DOCK4: variants seen among roughly 807,000 people sequenced by gnomAD.
DOCK4 encodes dedicator of cytokinesis 4.
A neutral mutation model predicts 268.1 loss-of-function variants in DOCK4; 97 were observed. The observed-to-expected ratio is 0.36, with a 90% CI of 0.31 to 0.43. The LOEUF (loss-of-function observed/expected upper bound fraction) is 0.43. Ranked by LOEUF, DOCK4 falls within the 20% of genes least tolerant of loss-of-function variation. The pLI, the probability that DOCK4 is intolerant of heterozygous loss-of-function variation, is 1.00. For missense variants in DOCK4, 2,145 were observed against 2,455.7 expected, an observed-to-expected ratio of 0.87 and a Z score of 2.67; for synonymous variants, 954 against 887.2, an observed-to-expected ratio of 1.08 and a Z score of -1.34.
At chr7:112,143,065 G>A (rs1011682426) in intron 1 of DOCK4, among the ~76,000 whole-genome samples, 1 of 151,930 alleles carries the variant, frequency 6.6e-6, no homozygotes, top group African/African-American at 2.4e-5. Flanking sequence ...GCTTACACTG[G>A]GGGAAGTGGG....
intron 31 of DOCK4, 178 bp from the exon 32 acceptor site, chr7:111,788,925 A>G (rs1799351351): frequency 1.7e-5 from 11 of 634,450 alleles, no homozygotes; most frequent in Non-Finnish European, 2.8e-5. Flanking sequence ...TAATCTAGAT[A>G]GAGTTACATG....
At chr7:112,090,764 G>C (rs567704810) in intron 1 of DOCK4, among the ~76,000 whole-genome samples, 1 of 152,298 alleles carries the variant, frequency 6.6e-6, no homozygotes, top group Admixed American at 6.5e-5. Context: ...AACATGCACT[G>C]AATGGATGGG....
At chr7:112,157,934 G>C (rs1397023940) in intron 1 of DOCK4, among the ~76,000 whole-genome samples, 2 of 152,072 alleles carry the variant, frequency 1.3e-5, no homozygotes, top group Non-Finnish European at 2.9e-5. Context: ...ATAGTGGAGA[G>C]GATGAATCTA....
intron 6 of DOCK4, among the ~76,000 whole-genome samples, chr7:111,984,674 G>A (rs745964782): frequency 6.6e-6 from 1 of 152,220 alleles, no homozygotes; most frequent in Non-Finnish European, 1.5e-5. Flanking sequence ...ACCACATGGT[G>A]TGGAGCCTTC....
intron 1 of DOCK4, among the ~76,000 whole-genome samples, chr7:112,061,790 A>G (rs1806431748): frequency 6.9e-6 from 1 of 144,008 alleles, no homozygotes; most frequent in African/African-American, 2.7e-5. Flanking sequence ...CACACGATGT[A>G]CATGGTTTTA....
Position 112,142,538 on chromosome 7 carries a change from G to A in DOCK4, c.37+63564C>T, listed in dbSNP as rs188772705. Among the ~76,000 whole-genome samples, 17 of 152,098 alleles carry A rather than the reference G, an allele frequency of 1.1e-4. 1 individual carries two copies. Among genetic ancestry groups the A allele is most frequent in the African/African-American group, 3.9e-4 (16 of 41,484 alleles). Reference sequence around the variant, plus strand: ...GCATTTCTAATGAATGGCCTTGCTGGGCTTTTGTATTAGTATTATTTACTA... The same window carrying A: ...GCATTTCTAATGAATGGCCTTGCTGAGCTTTTGTATTAGTATTATTTACTA... On this transcript the variant is annotated intron_variant, in intron 1 of 52. Coordinates refer to ENST00000428084, the MANE Select transcript of DOCK4 (RefSeq NM_001363540.2).
intron 8 of DOCK4, among the ~76,000 whole-genome samples, chr7:111,964,136 T>C (rs1218415848): frequency 6.8e-6 from 1 of 147,660 alleles, no homozygotes; most frequent in Non-Finnish European, 1.5e-5. Context: ...CTGGAAACTC[T>C]AAAACGCAGA....
chr7:112,048,134 G>A (rs879415674), intron 1 of DOCK4, among the ~76,000 whole-genome samples: 3 of 151,976 alleles, frequency 2.0e-5, no homozygotes, highest in East Asian at 1.9e-4. Flanking sequence ...TTCCAAATTC[G>A]ATAAGAACAT....
At chr7:111,810,413 C>A (rs1801024370) in intron 28 of DOCK4, among the ~76,000 whole-genome samples, 1 of 151,624 alleles carries the variant, frequency 6.6e-6, no homozygotes, top group African/African-American at 2.4e-5. Context: ...GATTGCGCCA[C>A]TGCACTCCAG....
chr7:111,990,506 T>G (rs1191287733), intron 5 of DOCK4, among the ~76,000 whole-genome samples: 1 of 152,228 alleles, frequency 6.6e-6, no homozygotes, highest in Admixed American at 6.5e-5. Context: ...CACGTATTTT[T>G]TATTTTAAAA....
chr7:112,203,639 C>G (rs1587055952), intron 1 of DOCK4, among the ~76,000 whole-genome samples: 1 of 152,254 alleles, frequency 6.6e-6, no homozygotes, highest in Middle Eastern at 3.4e-3. Flanking sequence ...TACCACTACA[C>G]TTGGTAACAA....
chr7:112,141,791 G>A (rs1814959778), intron 1 of DOCK4, among the ~76,000 whole-genome samples: 1 of 152,174 alleles, frequency 6.6e-6, no homozygotes, highest in Non-Finnish European at 1.5e-5. Context: ...TGAACAGCCT[G>A]CCTCAGGGTC....
chr7:111,786,836 T>C (rs1029196634), intron 32 of DOCK4, among the ~76,000 whole-genome samples: 4 of 152,228 alleles, frequency 2.6e-5, no homozygotes, highest in African/African-American at 9.6e-5. Context: ...TAAAGTAATA[T>C]TTACGCCTTC....
intron 1 of DOCK4, among the ~76,000 whole-genome samples, chr7:112,182,697 G>A (rs564230323): frequency 2.8e-4 from 43 of 152,318 alleles, no homozygotes; most frequent in Non-Finnish European, 5.6e-4. Flanking sequence ...TTCACTCACT[G>A]GACAGACAGA....
intron 12 of DOCK4, among the ~76,000 whole-genome samples, chr7:111,925,032 A>G (rs1793484090): frequency 6.6e-6 from 1 of 152,196 alleles, no homozygotes. Flanking sequence ...TATAGATGAT[A>G]TTAGTAGATT....
In DOCK4 at chr7:111,996,364, AAT is replaced by A. The variant is rs902415222; in HGVS notation, c.218+2082_218+2083del. 5.6e-4 allele frequency among the ~76,000 whole-genome samples: 85 copies of A among 152,332 alleles called. 1 individual carries two copies. Among genetic ancestry groups the A allele is most frequent in the Admixed American group, 5.4e-3 (83 of 15,296 alleles). ...ATTCCAAACCCAAAATCAGTGTTCA[AAT>A]AGTCTGTCGTAAGTAGTTACCTCTG... On this transcript the variant is annotated intron_variant, in intron 4 of 52. Transcript: ENST00000428084.
intron 27 of DOCK4, among the ~76,000 whole-genome samples, chr7:111,818,915 A>G (rs138484455): frequency 2.6e-4 from 39 of 152,332 alleles, no homozygotes; most frequent in African/African-American, 8.7e-4. Context: ...TCTAGTCCAG[A>G]ACAATGTTCA....
chr7:111,811,273 C>A (rs1302734334), intron 28 of DOCK4, among the ~76,000 whole-genome samples: 1 of 151,814 alleles, frequency 6.6e-6, no homozygotes, highest in Non-Finnish European at 1.5e-5. Flanking sequence ...ATATGTTATT[C>A]AAAACAGAGT....
chr7:112,138,254 G>A (rs986415462), intron 1 of DOCK4, among the ~76,000 whole-genome samples: 2 of 152,044 alleles, frequency 1.3e-5, no homozygotes, highest in African/African-American at 4.8e-5. Flanking sequence ...TAGTTTTTAG[G>A]AAAACTCTTA....
Sources: gnomAD v4.1 joint callset for allele counts (sites outside exome capture counted in the v4.1 genomes callset) on GRCh38, gnomAD v4.1.1 for gene constraint, MANE v1.5 for transcripts, NCBI Gene and HGNC (gene_info 2026-07-23, HGNC 2026-07-21) for gene names.